Variants in SHTN1 observed in about 807,000 individuals in gnomAD.
SHTN1 encodes shootin-1.
A neutral mutation model predicts 83.1 loss-of-function variants in SHTN1; 42 were observed. That is an observed-to-expected ratio of 0.51 (90% CI 0.39 to 0.65). The LOEUF (loss-of-function observed/expected upper bound fraction) is 0.65, where lower values mean the gene tolerates loss of function less well. Among genes scored for constraint, SHTN1 ranks in the 30% least tolerant of loss-of-function variants. SHTN1 has a pLI of 0.00. For missense variants in SHTN1, 622 were observed against 737.8 expected, an observed-to-expected ratio of 0.84 and a Z score of 1.82; for synonymous variants, 224 against 247.7, an observed-to-expected ratio of 0.90 and a Z score of 0.90.
intron 2 of SHTN1, among the ~76,000 whole-genome samples, chr10:117,018,077 A>G (rs1269165489): frequency 6.6e-6 from 1 of 152,208 alleles, no homozygotes; most frequent in Non-Finnish European, 1.5e-5. Flanking sequence ...GATGACTACA[A>G]TTGATGTAGT....
chr10:116,895,958 CAA>C (rs557354988), intron 16 of SHTN1, among the ~76,000 whole-genome samples: 5 of 152,122 alleles, frequency 3.3e-5, no homozygotes, highest in Non-Finnish European at 5.9e-5. Context: ...AACACAGAAG[CAA>C]ATTCCAAAAC....
At chr10:116,979,375 TC>T in intron 1 of SHTN1, 67 bp from the exon 2 acceptor site, 1 of 1,258,226 alleles carries the variant, frequency 7.9e-7, no homozygotes, top group East Asian at 2.3e-5. Flanking sequence ...ACCTGGGGAA[TC>T]CAACTAACCC....
rs749262494 is a variant in SHTN1, at chr10:116,921,462, C to G, written c.1167G>C (p.Lys389Asn). Residue 389 changes from lysine to asparagine, a missense_variant, in exon 12 of 17, where the codon AAG becomes AAC. Around this residue, in one of 3 missense-constraint regions of SHTN1, gnomAD observed 383 missense variants for 455.8 expected, o/e 0.84. Coordinates refer to ENST00000355371, the MANE Select transcript of SHTN1 (RefSeq NM_001127211.3). ...TTTCTGGTTGAGTTGCCTTTTCTTT[C>G]TTAGCACCACTGCCACTGGGGTGGG... is the stretch of plus-strand genomic sequence containing the variant. ...KRSHPSGSGAKKEKATQPETT... is the reference protein window; with the variant it reads ...KRSHPSGSGANKEKATQPETT... The G allele has an allele frequency of 6.2e-7, 1 of 1,613,832 alleles. No homozygotes were observed. The highest frequency in any genetic ancestry group is 8.5e-7 in the Non-Finnish European group (1 of 1,179,846).
At chr10:117,107,790 AG>A (rs1161946357) in intron 1 of SHTN1, among the ~76,000 whole-genome samples, 3 of 152,170 alleles carry the variant, frequency 2.0e-5, no homozygotes, top group Admixed American at 1.3e-4. Context: ...TAAAGCCAAG[AG>A]GGGAGGTTTC....
intron 1 of SHTN1, among the ~76,000 whole-genome samples, chr10:117,091,534 T>A (rs543537325): frequency 5.9e-5 from 9 of 151,756 alleles, no homozygotes; most frequent in Non-Finnish European, 1.2e-4. Flanking sequence ...TAAGGGGAGG[T>A]GGAACCTACT....
intron 14 of SHTN1, among the ~76,000 whole-genome samples, chr10:116,909,791 T>C (rs1194360010): frequency 6.6e-6 from 1 of 152,176 alleles, no homozygotes; most frequent in Non-Finnish European, 1.5e-5. Flanking sequence ...GTCTTACAAC[T>C]TGGGTCACAT....
intron 15 of SHTN1, among the ~76,000 whole-genome samples, chr10:116,905,468 A>T (rs891993434): frequency 3.3e-5 from 5 of 152,086 alleles, no homozygotes; most frequent in African/African-American, 1.2e-4. Flanking sequence ...TTCCAAACCA[A>T]CCTAAAAACT....
At chr10:116,947,702 G>A (rs1849642193) in intron 7 of SHTN1, among the ~76,000 whole-genome samples, 1 of 152,002 alleles carries the variant, frequency 6.6e-6, no homozygotes, top group Non-Finnish European at 1.5e-5. Context: ...CTTCTGACTT[G>A]GAATCTGAAA....
chr10:117,123,479 CCTT>C (rs1161874317), intron 1 of SHTN1, among the ~76,000 whole-genome samples: 4 of 152,104 alleles, frequency 2.6e-5, no homozygotes, highest in Non-Finnish European at 5.9e-5. Context: ...AATTAACACC[CCTT>C]AACTTCCAAT....
At chr10:117,031,006 A>T (rs1469154903) in intron 2 of SHTN1, among the ~76,000 whole-genome samples, 1 of 152,112 alleles carries the variant, frequency 6.6e-6, no homozygotes, top group Non-Finnish European at 1.5e-5. Flanking sequence ...CAAGTACAAG[A>T]AGGTTATAGA....
intron 2 of SHTN1, among the ~76,000 whole-genome samples, chr10:117,020,248 G>A: frequency 6.6e-6 from 1 of 151,922 alleles, no homozygotes; most frequent in Admixed American, 6.6e-5. Context: ...CCAGCACTTT[G>A]GGAGGCCGAG....
intron 1 of SHTN1, among the ~76,000 whole-genome samples, chr10:117,067,899 G>C (rs1853025331): frequency 6.6e-6 from 1 of 152,168 alleles, no homozygotes; most frequent in South Asian, 2.1e-4. Flanking sequence ...CAATTGCATA[G>C]ACAAGGAGTA....
intron 15 of SHTN1, among the ~76,000 whole-genome samples, chr10:116,903,047 A>G (rs974148710): frequency 5.9e-5 from 9 of 152,174 alleles, no homozygotes; most frequent in Admixed American, 2.6e-4. Flanking sequence ...AAACCTACCT[A>G]AGAGAGACTA....
chr10:116,923,129 G>A (rs1313447971), intron 11 of SHTN1, among the ~76,000 whole-genome samples: 2 of 152,104 alleles, frequency 1.3e-5, no homozygotes, highest in Non-Finnish European at 2.9e-5. Context: ...ATAATGCAAG[G>A]AAATGATCAC....
intron 2 of SHTN1, among the ~76,000 whole-genome samples, chr10:117,043,241 C>T (rs1406831006): frequency 6.6e-6 from 1 of 152,072 alleles, no homozygotes; most frequent in Non-Finnish European, 1.5e-5. Flanking sequence ...TCGCGCCATT[C>T]TCCTGTCTCA....
At chr10:117,013,047 G>A (rs1230702804) in intron 2 of SHTN1, among the ~76,000 whole-genome samples, 2 of 151,762 alleles carry the variant, frequency 1.3e-5, no homozygotes, top group Non-Finnish European at 2.9e-5. Context: ...TCCAGCTTGG[G>A]CAACAGAACA....
rs569728075 is a variant in SHTN1, at chr10:116,897,726, T to C, written c.1673+4039A>G. On this transcript the variant is annotated intron_variant, in intron 16 of 16. Coordinates refer to ENST00000355371, the MANE Select transcript of SHTN1 (RefSeq NM_001127211.3). ...ATTTACACACCAGGAAATTCAGTTA[T>C]AGATTACATAACTTTCCCAGGGTCA... Among the ~76,000 whole-genome samples the C allele has an allele frequency of 2.0e-5, 3 of 152,298 alleles. No individual in the cohort carries two copies. The South Asian group carries it at 6.2e-4, about 32-fold the overall frequency.
chr10:116,901,314 T>C lies in SHTN1; in HGVS notation c.1673+451A>G, dbSNP rs1477095904. Reference sequence around the variant, plus strand: ...ACATAGTATGTTTTCATTTTCAGGATAGAGCAATATTAGGCACATCTTTAA... The same window carrying C: ...ACATAGTATGTTTTCATTTTCAGGACAGAGCAATATTAGGCACATCTTTAA... On this transcript the variant is annotated intron_variant, in intron 16 of 16. Coordinates refer to ENST00000355371, the MANE Select transcript of SHTN1 (RefSeq NM_001127211.3). 3.0e-6 allele frequency: 3 copies of C among 985,214 alleles called. No individual in the cohort carries two copies. In the African/African-American group the frequency reaches 5.2e-5, roughly 17 times the overall value. The allele number at this position is 985,214 out of a possible 1,614,324, so 61.0% of individuals were successfully genotyped here.
In SHTN1 at chr10:117,023,284, T is replaced by C. The variant is rs532791207; in HGVS notation, c.-123+25161A>G. Among the ~76,000 whole-genome samples, 112 of 152,298 alleles carry C rather than the reference T, an allele frequency of 7.4e-4. 2 individuals are homozygous for C. In the South Asian group the frequency reaches 0.022, roughly 30 times the overall value. ...TATCTAGAAATCTGTCACGTGCAAATAGTTTTCTCCTCAACTATCATTCCC... is the reference window on the plus strand; with the variant it reads ...TATCTAGAAATCTGTCACGTGCAAACAGTTTTCTCCTCAACTATCATTCCC... On this transcript the variant is annotated intron_variant, in intron 2 of 17. Coordinates refer to the SHTN1 transcript ENST00000392901.
Sources: gnomAD v4.1 joint callset for allele counts (sites outside exome capture counted in the v4.1 genomes callset) on GRCh38, gnomAD v4.1.1 for gene constraint, gnomAD v4.1.1 regional missense constraint, MANE v1.5 for transcripts, NCBI Gene and HGNC (gene_info 2026-07-23, HGNC 2026-07-21) for gene names.